Variants in RAP1A observed in about 807,000 individuals in gnomAD.
RAP1A encodes ras-related protein Rap-1A.
Under a neutral mutation model 26.4 loss-of-function variants are expected in RAP1A, and 6 were observed. That is an observed-to-expected ratio of 0.23 (90% CI 0.12 to 0.45). RAP1A has a LOEUF of 0.45. Ranked by LOEUF, RAP1A falls within the 20% of genes least tolerant of loss-of-function variation. The probability of loss-of-function intolerance (pLI) is 0.99; values close to 1 mark genes in which losing one functional copy is unlikely to be tolerated. For missense variants in RAP1A, 121 were observed against 217.2 expected (o/e 0.56, Z 2.78); for synonymous variants, 73 against 79.4 (o/e 0.92, Z 0.43).
chr1:111,599,036 T>G (rs1658616605), intron 1 of RAP1A, among the ~76,000 whole-genome samples: 1 of 152,006 alleles, frequency 6.6e-6, no homozygotes, highest in South Asian at 2.1e-4. Context: ...ATGAGGTGTA[T>G]AGGGTGAAAA....
chr1:111,682,248 A>G (rs1015059755), intron 1 of RAP1A, among the ~76,000 whole-genome samples: 2 of 152,212 alleles, frequency 1.3e-5, no homozygotes, highest in African/African-American at 2.4e-5. Context: ...ACCATACCAA[A>G]ATATGAAGAC....
chr1:111,624,750 C>T (rs72695272), intron 1 of RAP1A, among the ~76,000 whole-genome samples: 19,569 of 151,980 alleles, frequency 0.13, 1,595 homozygotes, highest in South Asian at 0.17. Context: ...AAATAACGTG[C>T]GTTTATAAGT....
chr1:111,669,289 C>A (rs1557885273), intron 1 of RAP1A, among the ~76,000 whole-genome samples: 1 of 152,132 alleles, frequency 6.6e-6, no homozygotes, highest in Non-Finnish European at 1.5e-5. Flanking sequence ...TGCTCTGTTG[C>A]CTAGCTAAAA....
At chr1:111,696,556 C>T (rs985429630) in intron 3 of RAP1A, among the ~76,000 whole-genome samples, 2 of 152,182 alleles carry the variant, frequency 1.3e-5, no homozygotes, top group Non-Finnish European at 2.9e-5. Context: ...AATGTCTGAT[C>T]TGACACAGAA....
At chr1:111,593,679 T>TTTTTTA (rs1402915441) in intron 1 of RAP1A, among the ~76,000 whole-genome samples, 4 of 144,130 alleles carry the variant, frequency 2.8e-5, no homozygotes, top group South Asian at 2.2e-4. Context: ...TTTTTTTTTT[T>TTTTTTA]ACCTTTCTAA....
intron 1 of RAP1A, among the ~76,000 whole-genome samples, chr1:111,603,150 C>A (rs1385743838): frequency 6.6e-6 from 1 of 152,180 alleles, no homozygotes; most frequent in Non-Finnish European, 1.5e-5. Context: ...GGCCCTTGGA[C>A]GAGAGACTTA....
At chr1:111,578,817 A>AT (rs2101059369) in intron 1 of RAP1A, among the ~76,000 whole-genome samples, 1 of 152,282 alleles carries the variant, frequency 6.6e-6, no homozygotes, top group Admixed American at 6.5e-5. Flanking sequence ...TCAGAGGCCA[A>AT]TTGCAAGTCT....
intron 1 of RAP1A, among the ~76,000 whole-genome samples, chr1:111,669,473 A>G (rs1158456084): frequency 6.6e-6 from 1 of 152,222 alleles, no homozygotes; most frequent in African/African-American, 2.4e-5. Context: ...AAACATGGCA[A>G]TGAGATATTT....
At chr1:111,596,501 C>G (rs1658566827) in intron 1 of RAP1A, among the ~76,000 whole-genome samples, 1 of 152,204 alleles carries the variant, frequency 6.6e-6, no homozygotes. Flanking sequence ...TATCAGGGAC[C>G]ATGTCTGTCT....
chr1:111,619,604 TC>T (rs1296972134), upstream of RAP1A, among the ~76,000 whole-genome samples: 3 of 151,998 alleles, frequency 2.0e-5, no homozygotes, highest in Non-Finnish European at 2.9e-5. Flanking sequence ...AAGCTAAAAC[TC>T]CCCGCCCCTT....
intron 4 of RAP1A, among the ~76,000 whole-genome samples, chr1:111,701,674 T>A (rs187409450): frequency 2.1e-4 from 32 of 152,354 alleles, no homozygotes; most frequent in African/African-American, 7.7e-4. Flanking sequence ...AGCAGTTCTG[T>A]AAGGACTTTT....
In RAP1A at chr1:111,644,788, G is replaced by A. The variant is rs762711735; in HGVS notation, c.-28+24854G>A. On this transcript the variant is annotated intron_variant, in intron 1 of 7. Coordinates refer to ENST00000369709, the MANE Select transcript of RAP1A (RefSeq NM_002884.4). ...GAATAATGAAACTTTTTTTGGGGAA[G>A]GGGGAGGGTCATAGATCTCTTTGAA... 1.4e-4 allele frequency among the ~76,000 whole-genome samples: 22 copies of A among 152,308 alleles called. No individual in the cohort carries two copies. The Middle Eastern group carries it at 0.01, about 71-fold the overall frequency.
chr1:111,693,241 A>G (rs1661723394), intron 2 of RAP1A, among the ~76,000 whole-genome samples: 3 of 152,194 alleles, frequency 2.0e-5, no homozygotes, highest in Admixed American at 1.3e-4. Flanking sequence ...TGCCATAACC[A>G]TAATGGGGTG....
chr1:111,617,842 G>A (rs924674440), upstream of RAP1A, among the ~76,000 whole-genome samples: 5 of 151,558 alleles, frequency 3.3e-5, no homozygotes, highest in South Asian at 2.1e-4. Flanking sequence ...TTGGGAATTC[G>A]AGACCAGCCT....
intron 1 of RAP1A, among the ~76,000 whole-genome samples, chr1:111,678,357 A>C (rs966113695): frequency 6.6e-6 from 1 of 152,186 alleles, no homozygotes; most frequent in Non-Finnish European, 1.5e-5. Flanking sequence ...GTAGTTTCTT[A>C]CTGGATGTTT....
At chr1:111,651,762 C>T (rs1053932337) in intron 1 of RAP1A, among the ~76,000 whole-genome samples, 4 of 152,000 alleles carry the variant, frequency 2.6e-5, no homozygotes, top group Non-Finnish European at 5.9e-5. Flanking sequence ...CCAGCATGCG[C>T]TGCCACGCCC....
In RAP1A at chr1:111,542,308, C is replaced by T. The variant is rs75054485; in HGVS notation, c.-229C>T. 4.0e-3 allele frequency: 2,061 copies of T among 515,580 alleles called. 36 individuals carry two copies. The highest frequency in any genetic ancestry group is 0.036 in the African/African-American group (1,877 of 51,572). The allele number at this position is 515,580 out of a possible 1,614,324, so 31.9% of individuals were successfully genotyped here. On this transcript the variant is annotated 5_prime_UTR_variant, in exon 1 of 8. Coordinates refer to the RAP1A transcript ENST00000356415. ...CCGGTTCGAACACACGCGACAAGAG[C>T]AAAGAAGTTAAAAGAGAAGTGTCTG...
chr1:111,684,267 C>G (rs1015893441), intron 1 of RAP1A, among the ~76,000 whole-genome samples: 2 of 151,728 alleles, frequency 1.3e-5, no homozygotes, highest in African/African-American at 2.4e-5. Flanking sequence ...AAGGTGCCCT[C>G]TCACCACATA....
At chr1:111,556,437 G>C (rs1437512505) in intron 1 of RAP1A, among the ~76,000 whole-genome samples, 1 of 152,168 alleles carries the variant, frequency 6.6e-6, no homozygotes, top group East Asian at 1.9e-4. Context: ...GACTTGAACA[G>C]ATATTTGTAC....
Sources: gnomAD v4.1 joint callset for allele counts (sites outside exome capture counted in the v4.1 genomes callset) on GRCh38, gnomAD v4.1.1 for gene constraint, MANE v1.5 for transcripts, NCBI Gene and HGNC (gene_info 2026-07-23, HGNC 2026-07-21) for gene names.